The following CTNNA3 variants were observed in gnomAD, a reference collection of about 807,000 sequenced individuals.
CTNNA3 encodes the protein catenin alpha-3.
In CTNNA3, 76 loss-of-function variants were observed where a neutral mutation model predicts 95.7. The ratio of observed to expected loss-of-function variants is 0.79; its 90% CI spans 0.66 to 0.96. The LOEUF (loss-of-function observed/expected upper bound fraction) is 0.96. Ranked by LOEUF, CTNNA3 falls within the 40% of genes least tolerant of loss-of-function variation. The probability of loss-of-function intolerance (pLI) is 0.00; values close to 1 mark genes in which losing one functional copy is unlikely to be tolerated. For synonymous variants in CTNNA3, 431 were observed against 374.4 expected (o/e 1.15, Z -1.74); for missense variants, 1,191 against 1,089.8 (o/e 1.09, Z -1.31).
chr10:66,704,925 T>C (rs1327657062), intron 9 of CTNNA3, among the ~76,000 whole-genome samples: 1 of 152,162 alleles, frequency 6.6e-6, no homozygotes, highest in African/African-American at 2.4e-5. Context: ...GTGCACTGGC[T>C]ATAGCATCTG....
intron 10 of CTNNA3, among the ~76,000 whole-genome samples, chr10:66,554,311 C>G (rs1378659419): frequency 6.6e-6 from 1 of 152,068 alleles, no homozygotes; most frequent in Non-Finnish European, 1.5e-5. Flanking sequence ...TACAGTATAT[C>G]AGTGATATGT....
chr10:66,141,239 T>C (rs1312479881), intron 13 of CTNNA3, among the ~76,000 whole-genome samples: 1 of 148,474 alleles, frequency 6.7e-6, no homozygotes, highest in Non-Finnish European at 1.5e-5. Flanking sequence ...AGCCTGGCAA[T>C]AGAGTGAGAA....
At chr10:66,715,391 C>T (rs76345084) in intron 9 of CTNNA3, among the ~76,000 whole-genome samples, 1,575 of 152,122 alleles carry the variant, frequency 0.01, 36 homozygotes, top group African/African-American at 0.036. Flanking sequence ...TTAATGCCCC[C>T]TCCTAGATGT....
At chr10:66,648,047 A>G (rs1845767185) in intron 9 of CTNNA3, among the ~76,000 whole-genome samples, 1 of 152,062 alleles carries the variant, frequency 6.6e-6, no homozygotes, top group Admixed American at 6.5e-5. Flanking sequence ...TTGAAAGAAT[A>G]TTATCTTTGA....
intron 15 of CTNNA3, among the ~76,000 whole-genome samples, chr10:66,040,453 A>G (rs2079662163): frequency 6.6e-6 from 1 of 151,992 alleles, no homozygotes; most frequent in Non-Finnish European, 1.5e-5. Context: ...ACTATTCACA[A>G]TAGCAAAGAC....
At chr10:66,226,009 C>T (rs560681497) in intron 13 of CTNNA3, among the ~76,000 whole-genome samples, 1 of 152,214 alleles carries the variant, frequency 6.6e-6, no homozygotes, top group South Asian at 2.1e-4. Context: ...TCCCATTCTA[C>T]AGGTTACTTC....
At chr10:66,830,648 T>G (rs7914707) in intron 7 of CTNNA3, among the ~76,000 whole-genome samples, 2 of 151,284 alleles carry the variant, frequency 1.3e-5, no homozygotes, top group African/African-American at 4.8e-5. Flanking sequence ...CTAGCTCTGT[T>G]GCCCAGGCTG....
intron 5 of CTNNA3, among the ~76,000 whole-genome samples, chr10:67,364,474 C>A (rs980637903): frequency 1.3e-5 from 2 of 152,024 alleles, no homozygotes; most frequent in Non-Finnish European, 2.9e-5. Flanking sequence ...CTGGCCAGGG[C>A]AATTAGGCAG....
At chr10:66,198,033 C>G (rs575187696) in intron 13 of CTNNA3, among the ~76,000 whole-genome samples, 1 of 152,216 alleles carries the variant, frequency 6.6e-6, no homozygotes, top group East Asian at 1.9e-4. Context: ...AAGGCTTCAT[C>G]TTTTGTTCCT....
chr10:66,689,899 A>G (rs559557970), intron 9 of CTNNA3, among the ~76,000 whole-genome samples: 166 of 152,298 alleles, frequency 1.1e-3, no homozygotes, highest in African/African-American at 4.0e-3. Context: ...TAGTCCCACA[A>G]ACAAGATAGA....
intron 7 of CTNNA3, among the ~76,000 whole-genome samples, chr10:67,159,270 G>A (rs1012664183): frequency 2.0e-5 from 3 of 152,348 alleles, no homozygotes; most frequent in African/African-American, 7.2e-5. Context: ...AAAAGGGACA[G>A]GAATTGCTCA....
At chr10:67,582,927 T>A (rs1842462650) in intron 3 of CTNNA3, among the ~76,000 whole-genome samples, 1 of 152,056 alleles carries the variant, frequency 6.6e-6, no homozygotes, top group South Asian at 2.1e-4. Context: ...TCTTCCTCCA[T>A]CCCTTTATTT....
rs193013568 is a variant in CTNNA3, at chr10:66,215,306, T to C, written c.1884+65164A>G. Among the ~76,000 whole-genome samples, 140 of 152,304 alleles carry C rather than the reference T, an allele frequency of 9.2e-4. 1 individual carries two copies. Among genetic ancestry groups the C allele is most frequent in the African/African-American group, 2.9e-3 (122 of 41,570 alleles). ...TATTGAGTTACTATTTTTTCAGTGT[T>C]TGAGCCAACCCAAGCAACGTGCTAT... is the stretch of plus-strand genomic sequence containing the variant. On this transcript the variant is annotated intron_variant, in intron 13 of 17. Coordinates refer to ENST00000433211, the MANE Select transcript of CTNNA3 (RefSeq NM_013266.4).
intron 11 of CTNNA3, among the ~76,000 whole-genome samples, chr10:66,514,824 T>C (rs564652912): frequency 6.6e-6 from 1 of 152,274 alleles, no homozygotes; most frequent in African/African-American, 2.4e-5. Context: ...ATCCCTTCTA[T>C]CAAAGTTTGT....
intron 5 of CTNNA3, among the ~76,000 whole-genome samples, chr10:67,456,610 T>C (rs1460245382): frequency 2.0e-5 from 3 of 152,194 alleles, no homozygotes; most frequent in Non-Finnish European, 4.4e-5. Flanking sequence ...CAAATGGTAA[T>C]ATTCTTTCTC....
At chr10:66,514,021 A>G (rs1483314201) in intron 11 of CTNNA3, among the ~76,000 whole-genome samples, 2 of 152,176 alleles carry the variant, frequency 1.3e-5, no homozygotes, top group Non-Finnish European at 2.9e-5. Context: ...GGCAGGATGT[A>G]GTCTGGTGTG....
At chr10:66,345,904 C>T (rs1309365781) in intron 12 of CTNNA3, among the ~76,000 whole-genome samples, 7 of 150,996 alleles carry the variant, frequency 4.6e-5, no homozygotes, top group African/African-American at 9.7e-5. Context: ...GGTGAAACCC[C>T]GTTCTCTACT....
chr10:66,925,032 C>T (rs578136978), intron 7 of CTNNA3, among the ~76,000 whole-genome samples: 1 of 152,272 alleles, frequency 6.6e-6, no homozygotes, highest in Non-Finnish European at 1.5e-5. Context: ...CAAGAATTTG[C>T]TAATCACAGC....
chr10:66,567,256 G>A (rs111341446), intron 10 of CTNNA3, among the ~76,000 whole-genome samples: 3 of 152,056 alleles, frequency 2.0e-5, no homozygotes, highest in African/African-American at 7.2e-5. Flanking sequence ...GGGAGCCTAT[G>A]AAGAAAGAGA....
Sources: gnomAD v4.1 joint callset for allele counts (sites outside exome capture counted in the v4.1 genomes callset) on GRCh38, gnomAD v4.1.1 for gene constraint, MANE v1.5 for transcripts, NCBI Gene and HGNC (gene_info 2026-07-23, HGNC 2026-07-21) for gene names.